The following DMD variants were observed in gnomAD, a reference collection of about 807,000 sequenced individuals.
The protein encoded by DMD is mutant dystrophin.
Under a neutral mutation model 330.1 loss-of-function variants are expected in DMD, and 63 were observed. The ratio of observed to expected loss-of-function variants is 0.19; its 90% CI spans 0.16 to 0.24. DMD has a LOEUF of 0.24. Ranked by LOEUF, DMD falls within the 10% of genes least tolerant of loss-of-function variation. The pLI, the probability that DMD is intolerant of heterozygous loss-of-function variation, is 1.00. For missense variants in DMD, 3,344 were observed against 2,684.1 expected (o/e 1.25, Z -5.43); for synonymous variants, 1,223 against 959.8 (o/e 1.27, Z -5.07).
At chrX:31,371,376 T>C (rs1229100578) in intron 60 of DMD, among the ~76,000 whole-genome samples, 4 of 111,667 alleles carry the variant, frequency 3.6e-5, no homozygotes, top group Non-Finnish European at 7.5e-5. Flanking sequence ...TTTGAAGCAA[T>C]ATACCAATAG....
intron 44 of DMD, among the ~76,000 whole-genome samples, chrX:32,076,522 G>A (rs2147853761): frequency 9.2e-6 from 1 of 108,732 alleles, no homozygotes; most frequent in African/African-American, 3.4e-5. Context: ...TGGGACTACA[G>A]GCGCCTGCCA....
At chrX:31,520,555 G>A (rs761801723) in intron 55 of DMD, among the ~76,000 whole-genome samples, 56 of 111,686 alleles carry the variant, frequency 5.0e-4, no homozygotes, top group Non-Finnish European at 6.8e-4. Context: ...AATATACATC[G>A]TGTATCTATT....
chrX:33,234,922 C>T (rs1444784446), intron 1 of DMD, among the ~76,000 whole-genome samples: 1 of 111,845 alleles, frequency 8.9e-6, no homozygotes, highest in Non-Finnish European at 1.9e-5. Flanking sequence ...GGACAATTGT[C>T]CATTTACTGG....
At chrX:31,257,582 ACT>A (rs1410656421) in intron 63 of DMD, among the ~76,000 whole-genome samples, 1 of 111,988 alleles carries the variant, frequency 8.9e-6, no homozygotes, top group African/African-American at 3.2e-5. Flanking sequence ...TTATGTTTCG[ACT>A]CTGAAACACT....
intron 48 of DMD, among the ~76,000 whole-genome samples, chrX:31,852,280 G>C (rs1044943602): frequency 1.3e-4 from 14 of 111,770 alleles, no homozygotes; most frequent in Admixed American, 1.2e-3. Context: ...TTCTTAAGGG[G>C]GTACAATCTG....
chrX:31,408,554 A>G (rs1437451182), intron 60 of DMD, among the ~76,000 whole-genome samples: 4 of 110,523 alleles, frequency 3.6e-5, no homozygotes, highest in Non-Finnish European at 5.7e-5. Context: ...ACGCACCATC[A>G]TATCCAGCTA....
chrX:31,279,880 A>G (rs1208161647), intron 62 of DMD, among the ~76,000 whole-genome samples: 1 of 112,738 alleles, frequency 8.9e-6, no homozygotes, highest in Non-Finnish European at 1.9e-5. Flanking sequence ...GTATGACTAC[A>G]TTTTTAGAGT....
chrX:32,942,028 A>T (rs774119512), intron 2 of DMD, among the ~76,000 whole-genome samples: 1 of 111,840 alleles, frequency 8.9e-6, no homozygotes, highest in Non-Finnish European at 1.9e-5. Flanking sequence ...CAATGTGATT[A>T]GTTAAGACAT....
chrX:32,773,201 G>C (rs1416675808), intron 7 of DMD, among the ~76,000 whole-genome samples: 1 of 111,911 alleles, frequency 8.9e-6, no homozygotes, highest in African/African-American at 3.3e-5. Context: ...AGAGCTGACT[G>C]AAAGCCTGGT....
intron 55 of DMD, among the ~76,000 whole-genome samples, chrX:31,516,255 T>C (rs1377479180): frequency 3.0e-5 from 3 of 101,050 alleles, no homozygotes; most frequent in Admixed American, 1.1e-4. Flanking sequence ...CAGTCTATTA[T>C]GGATTGGGAA....
intron 2 of DMD, among the ~76,000 whole-genome samples, chrX:33,006,192 C>T (rs895994150): frequency 5.4e-5 from 6 of 111,469 alleles, no homozygotes; most frequent in Non-Finnish European, 1.1e-4. Context: ...ACAGATTTAA[C>T]GCAATCCCAA....
At chrX:32,171,511 A>G (rs2096887570) in intron 44 of DMD, among the ~76,000 whole-genome samples, 1 of 111,571 alleles carries the variant, frequency 9.0e-6, no homozygotes, top group Non-Finnish European at 1.9e-5. Flanking sequence ...TACTAGTGAT[A>G]GGATTTATAA....
intron 51 of DMD, among the ~76,000 whole-genome samples, chrX:31,773,156 C>T (rs2090440133): frequency 8.9e-6 from 1 of 112,128 alleles, no homozygotes; most frequent in African/African-American, 3.2e-5. Context: ...CTTTGTATTT[C>T]TTTAGAAAGG....
intron 28 of DMD, 135 bp from the exon 29 acceptor site, chrX:32,438,525 A>T (rs1354581548): frequency 2.7e-6 from 2 of 752,589 alleles, no homozygotes; most frequent in African/African-American, 2.1e-5. Flanking sequence ...AATTGGGATT[A>T]AAAACACCAA....
chrX:31,333,191 A>G (rs5972376), intron 61 of DMD, among the ~76,000 whole-genome samples: 10,047 of 111,506 alleles, frequency 0.09, 518 homozygotes, highest in African/African-American at 0.19. Context: ...GTATTGCTTC[A>G]GAATTCAAAA....
chrX:32,487,192 G>C (rs941489649), intron 20 of DMD, among the ~76,000 whole-genome samples: 1 of 111,544 alleles, frequency 9.0e-6, no homozygotes, highest in Admixed American at 9.5e-5. Context: ...TGGGCGAAGG[G>C]CATGCTATTC....
At chrX:31,809,207 TTATA>T (rs1430070544) in intron 50 of DMD, among the ~76,000 whole-genome samples, 1 of 106,105 alleles carries the variant, frequency 9.4e-6, no homozygotes, top group East Asian at 2.9e-4. Context: ...ATATATGAGT[TTATA>T]TATATAGTTT....
intron 61 of DMD, chrX:31,348,237 A>G: frequency 3.5e-6 from 1 of 287,207 alleles, no homozygotes; most frequent in Non-Finnish European, 6.2e-6. Context: ...TGATACAGAG[A>G]ATACTAGCAT....
chrX:33,266,004 C>T (rs374956653), intron 1 of DMD, among the ~76,000 whole-genome samples: 2 of 111,382 alleles, frequency 1.8e-5, no homozygotes, highest in East Asian at 5.6e-4. Context: ...AACACCGAAG[C>T]CCCACTATGT....
Sources: allele counts gnomAD v4.1 joint callset (sites outside exome capture counted in the v4.1 genomes callset), GRCh38; gene constraint gnomAD v4.1.1; transcripts MANE v1.5; gene names NCBI Gene and HGNC (gene_info 2026-07-23, HGNC 2026-07-21).